Variants in ASB3 observed in about 807,000 individuals in gnomAD.
ASB3 encodes the protein ankyrin repeat and SOCS box protein 3.
ASB3 carries 41 observed loss-of-function variants against 54.5 expected under a neutral mutation model. The ratio of observed to expected loss-of-function variants is 0.75; its 90% CI spans 0.59 to 0.98. ASB3 has a LOEUF of 0.98. ASB3 is among the 50% of genes least tolerant of loss of function. ASB3 has a pLI of 0.00. For synonymous variants in ASB3, 266 were observed against 221.2 expected, an observed-to-expected ratio of 1.20 and a Z score of -1.80; for missense variants, 733 against 620.0, an observed-to-expected ratio of 1.18 and a Z score of -1.94.
intron 1 of ASB3, among the ~76,000 whole-genome samples, chr2:53,770,316 T>A (rs892087700): frequency 6.6e-6 from 1 of 152,112 alleles, no homozygotes; most frequent in Non-Finnish European, 1.5e-5. Context: ...TACGAACAGA[T>A]GAAGACTAAA....
intron 7 of ASB3, among the ~76,000 whole-genome samples, chr2:53,700,849 C>T (rs1669451697): frequency 6.6e-6 from 1 of 152,166 alleles, no homozygotes; most frequent in South Asian, 2.1e-4. Context: ...AGTATCTTTA[C>T]TACAAAATAC....
At chr2:53,763,852 C>T (rs1240108884) in intron 2 of ASB3, among the ~76,000 whole-genome samples, 1 of 152,162 alleles carries the variant, frequency 6.6e-6, no homozygotes, top group Non-Finnish European at 1.5e-5. Flanking sequence ...GAAAACATAT[C>T]TTAAGCGTTT....
At chr2:53,772,430 T>C (rs912027928) in intron 1 of ASB3, among the ~76,000 whole-genome samples, 4 of 152,172 alleles carry the variant, frequency 2.6e-5, no homozygotes, top group African/African-American at 9.7e-5. Context: ...CGCCTTGGCC[T>C]CCCAAAGTGC....
At chr2:53,740,013 T>TA (rs1671844162) in intron 3 of ASB3, among the ~76,000 whole-genome samples, 1 of 152,170 alleles carries the variant, frequency 6.6e-6, no homozygotes, top group Admixed American at 6.5e-5. Flanking sequence ...ACAATAATTC[T>TA]AAAAAATGAC....
chr2:53,775,242 G>A (rs2104182124), intron 1 of ASB3: 1 of 152,568 alleles, frequency 6.6e-6, no homozygotes, highest in Middle Eastern at 3.4e-3. Flanking sequence ...TACCAAAACT[G>A]AAAAAGATGG....
intron 3 of ASB3, among the ~76,000 whole-genome samples, chr2:53,731,998 C>G (rs1671345353): frequency 6.6e-6 from 1 of 151,772 alleles, no homozygotes; most frequent in African/African-American, 2.4e-5. Flanking sequence ...CACTCTGTCA[C>G]CCAGGCTGGA....
chr2:53,765,661 T>C (rs1038558712), intron 1 of ASB3, 76 bp from the exon 2 acceptor site: 312 of 1,552,802 alleles, frequency 2.0e-4, no homozygotes, highest in Non-Finnish European at 2.6e-4. Context: ...CAAATCACGG[T>C]GGGCCTGTCT....
chr2:53,700,155 C>A (rs187962059), intron 8 of ASB3, 116 bp downstream of exon 8: 28 of 1,471,714 alleles, frequency 1.9e-5, no homozygotes, highest in Non-Finnish European at 2.2e-5. Context: ...CCCAATTCAG[C>A]CATCACAGTC....
At chr2:53,721,174 T>C (rs1407139468) in intron 5 of ASB3, among the ~76,000 whole-genome samples, 1 of 150,662 alleles carries the variant, frequency 6.6e-6, no homozygotes, top group Non-Finnish European at 1.5e-5. Context: ...ACTGAATTAA[T>C]ACCAACCATA....
intron 9 of ASB3, among the ~76,000 whole-genome samples, chr2:53,691,727 G>C (rs1354139395): frequency 6.6e-6 from 1 of 152,090 alleles, no homozygotes; most frequent in African/African-American, 2.4e-5. Context: ...AGAGAGACCT[G>C]AATTATAGAA....
chr2:53,716,241 T>A (rs1475587368), intron 6 of ASB3, among the ~76,000 whole-genome samples: 1 of 152,072 alleles, frequency 6.6e-6, no homozygotes, highest in Admixed American at 6.5e-5. Context: ...AGATTGATGC[T>A]TAAAGATGCC....
chr2:53,738,518 G>C (rs1389147112), intron 3 of ASB3, among the ~76,000 whole-genome samples: 1 of 152,150 alleles, frequency 6.6e-6, no homozygotes, highest in Non-Finnish European at 1.5e-5. Context: ...AGCCCCATGT[G>C]GCTAGTGACC....
chr2:53,676,827 T>C (rs1365230209), intron 9 of ASB3, among the ~76,000 whole-genome samples: 1 of 152,226 alleles, frequency 6.6e-6, no homozygotes, highest in African/African-American at 2.4e-5. Context: ...TGGAGTGCAG[T>C]GGCACGATCT....
chr2:53,786,622 G>T (rs1024481488), intron 1 of ASB3, 199 bp downstream of exon 1: 2 of 152,656 alleles, frequency 1.3e-5, no homozygotes, highest in African/African-American at 4.8e-5. Context: ...AAAGCTGCAA[G>T]AAGGCAGGTC....
intron 3 of ASB3, among the ~76,000 whole-genome samples, chr2:53,749,078 T>C (rs1003094963): frequency 6.6e-6 from 1 of 152,072 alleles, no homozygotes; most frequent in African/African-American, 2.4e-5. Flanking sequence ...GTGAAAAGTA[T>C]ATAAGGAACC....
chr2:53,744,384 C>CAAAAAAAAAAAAAAAAAAAA (rs779225958), intron 3 of ASB3, among the ~76,000 whole-genome samples: 10 of 139,944 alleles, frequency 7.1e-5, no homozygotes, highest in Middle Eastern at 3.7e-3. Flanking sequence ...GACTCTGTCT[C>CAAAAAAAAAAAAAAAAAAAA]AAAAAAATAA....
In ASB3 at chr2:53,728,740, T is replaced by C. The variant is rs147343040; in HGVS notation, c.576A>G (p.Leu192=). Residue 192 remains leucine (L), a synonymous_variant, in exon 5 of 10, where the codon CTA becomes CTG. Coordinates refer to ENST00000263634, the MANE Select transcript of ASB3 (RefSeq NM_016115.5). ...PLFVAAQYGK[L]ESLSILISSG... ...ATGAAATAAGTATGCTCAAGCTTTC[T>C]AGCTTGCCATACTGAGCAGCCACAA... is the stretch of plus-strand genomic sequence containing the variant. 4.3e-6 allele frequency: 7 copies of C among 1,609,364 alleles called. No homozygotes were observed. Among genetic ancestry groups the C allele is most frequent in the Admixed American group, 1.7e-5 (1 of 59,440 alleles).
intron 2 of ASB3, among the ~76,000 whole-genome samples, chr2:53,755,803 C>T (rs759917613): frequency 6.6e-6 from 1 of 152,028 alleles, no homozygotes; most frequent in Non-Finnish European, 1.5e-5. Flanking sequence ...AGAAAATACC[C>T]GAAACACATA....
intron 3 of ASB3, among the ~76,000 whole-genome samples, chr2:53,743,095 T>C (rs909325815): frequency 6.6e-6 from 1 of 152,140 alleles, no homozygotes; most frequent in African/African-American, 2.4e-5. Context: ...AATTCAAGGA[T>C]TTTGTACCTG....
Sources: allele counts gnomAD v4.1 joint callset (sites outside exome capture counted in the v4.1 genomes callset), GRCh38; gene constraint gnomAD v4.1.1; transcripts MANE v1.5; gene names NCBI Gene and HGNC (gene_info 2026-07-23, HGNC 2026-07-21).